AFAP1L2: variants seen among roughly 807,000 people sequenced by gnomAD.
AFAP1L2 encodes the protein actin filament-associated protein 1-like 2.
A neutral mutation model predicts 99.3 loss-of-function variants in AFAP1L2; 46 were observed. The observed-to-expected ratio is 0.46, with a 90% CI of 0.37 to 0.59. The LOEUF is 0.59. AFAP1L2 is among the 20% of genes least tolerant of loss of function. The probability of loss-of-function intolerance (pLI) is 0.00; values close to 1 mark genes in which losing one functional copy is unlikely to be tolerated. For missense variants in AFAP1L2, 959 were observed against 1,034.9 expected (o/e 0.93, Z 1.01); for synonymous variants, 397 against 419.1 (o/e 0.95, Z 0.64).
chr10:114,291,433 G>C, downstream of AFAP1L2: 1 of 631,754 alleles, frequency 1.6e-6, no homozygotes, highest in Non-Finnish European at 2.6e-6. Flanking sequence ...ATGCTGCTTA[G>C]AGACAAGAAA....
chr10:114,315,569 G>A lies in AFAP1L2; in HGVS notation c.603C>T (p.Asn201=). The change falls in exon 6 of 19, where the codon AAC becomes AAT. Residue 201 remains asparagine, a synonymous_variant. Coordinates refer to ENST00000304129, the MANE Select transcript of AFAP1L2 (RefSeq NM_001001936.3). ...WAKQLCVIKD[N]RLLCYKSSKD... ...CGTAAGGCAGACTGACCAGAAGCCTGTTGTCCTTGATGACACAGAGCTGCT... is the reference window on the plus strand; with the variant it reads ...CGTAAGGCAGACTGACCAGAAGCCTATTGTCCTTGATGACACAGAGCTGCT... 2.5e-6 allele frequency: 4 copies of A among 1,614,104 alleles called. No homozygotes were observed. Among genetic ancestry groups the A allele is most frequent in the Non-Finnish European group, 3.4e-6 (4 of 1,180,026 alleles).
At chr10:114,351,718 C>T (rs1003783628) in intron 1 of AFAP1L2, among the ~76,000 whole-genome samples, 16 of 152,222 alleles carry the variant, frequency 1.1e-4, no homozygotes, top group Non-Finnish European at 1.5e-5. Context: ...CTGGTGGCTG[C>T]TGGAAACTGC....
chr10:114,404,331 G>A, intron 1 of AFAP1L2, 109 bp downstream of exon 1: 1 of 1,275,324 alleles, frequency 7.8e-7, no homozygotes, highest in Non-Finnish European at 1.1e-6. Context: ...GGTGGGGGCA[G>A]TGGGCTCTGC....
At chr10:114,400,403 C>T (rs1371646810) in intron 1 of AFAP1L2, among the ~76,000 whole-genome samples, 1 of 152,214 alleles carries the variant, frequency 6.6e-6, no homozygotes, top group Non-Finnish European at 1.5e-5. Flanking sequence ...TCATCCAGGG[C>T]TCCCACGCAA....
downstream of AFAP1L2, chr10:114,290,406 G>A: frequency 6.5e-7 from 1 of 1,545,650 alleles, no homozygotes; most frequent in African/African-American, 1.4e-5. Flanking sequence ...GCCAGGGATG[G>A]TATTGCGAGT....
At chr10:114,350,784 A>G (rs2050351332) in intron 1 of AFAP1L2, among the ~76,000 whole-genome samples, 1 of 152,196 alleles carries the variant, frequency 6.6e-6, no homozygotes, top group Non-Finnish European at 1.5e-5. Context: ...AGAATCAGAG[A>G]GAACCCACGG....
intron 5 of AFAP1L2, among the ~76,000 whole-genome samples, chr10:114,320,882 G>A (rs570604201): frequency 7.2e-5 from 11 of 152,180 alleles, no homozygotes; most frequent in Non-Finnish European, 1.6e-4. Context: ...CAGCAGCACC[G>A]CACCCTCGCC....
At chr10:114,360,546 T>C (rs534027674) in intron 1 of AFAP1L2, among the ~76,000 whole-genome samples, 12,586 of 146,530 alleles carry the variant, frequency 0.086, 1,464 homozygotes, top group African/African-American at 0.28. Context: ...GATAGATAGA[T>C]AGATAGATAG....
chr10:114,368,149 C>T (rs1210197902), intron 1 of AFAP1L2, among the ~76,000 whole-genome samples: 3 of 152,150 alleles, frequency 2.0e-5, no homozygotes, highest in Non-Finnish European at 2.9e-5. Flanking sequence ...GAAATCCTGC[C>T]ATTGGCAACA....
intron 5 of AFAP1L2, among the ~76,000 whole-genome samples, chr10:114,316,195 C>G (rs1048846917): frequency 1.1e-4 from 16 of 152,228 alleles, no homozygotes; most frequent in South Asian, 2.1e-4. Context: ...CAGGCCTGGC[C>G]TCTGGCATTC....
intron 16 of AFAP1L2, 34 bp from the exon 17 acceptor site, chr10:114,297,447 G>A (rs780424825): frequency 1.9e-5 from 30 of 1,599,484 alleles, no homozygotes; most frequent in African/African-American, 9.4e-5. Flanking sequence ...TCAGAGAACA[G>A]CATCTCAGCC....
rs761315050 is a variant in AFAP1L2 at position 114,302,364 on chromosome 10, C to A, written c.1405G>T (p.Val469Leu). ...AAGAGAGAGTTTTTGGCCGCACTCA[C>A]AATACAGGAGACCCTATCGGCATCC... ...YVDADRVSCI[V>L]SAAKNSLLLM... is the part of the protein sequence containing the mutation. The change falls in exon 12 of 19, where the codon GTG (valine) becomes TTG (leucine). Residue 469 changes from valine to leucine, a missense_variant. This residue lies in a region of AFAP1L2 where 576 missense variants were observed against 562.1 expected (regional missense o/e 1.02). Transcript: ENST00000304129. 5.6e-6 allele frequency: 9 copies of A among 1,614,156 alleles called. No individual in the cohort carries two copies. The highest frequency in any genetic ancestry group is 6.8e-6 in the Non-Finnish European group (8 of 1,180,034).
At position 114,327,299 on chromosome 10, in the gene AFAP1L2, C is replaced by T. The variant is rs774112525; in HGVS notation, c.316-4038G>A. On this transcript the variant is annotated intron_variant, in intron 4 of 18. Transcript: ENST00000304129. ...CCTGCCTCAGCCTCCCGAGTAGCTG[C>T]GTACCACCACGCTTGGCTAATTTTT... 3.3e-4 allele frequency among the ~76,000 whole-genome samples: 49 copies of T among 150,118 alleles called. No homozygotes were observed. The Middle Eastern group carries it at 0.024, about 73-fold the overall frequency.
At chr10:114,346,179 C>A (rs536811345) in intron 1 of AFAP1L2, among the ~76,000 whole-genome samples, 8 of 152,274 alleles carry the variant, frequency 5.3e-5, no homozygotes, top group African/African-American at 1.9e-4. Flanking sequence ...GAAGGATGTT[C>A]CTTCCCTTCC....
intron 5 of AFAP1L2, chr10:114,319,522 C>A: frequency 7.9e-7 from 1 of 1,272,876 alleles, no homozygotes; most frequent in Non-Finnish European, 1.0e-6. Flanking sequence ...AGGCAGCAGG[C>A]AAGAATCACT....
intron 4 of AFAP1L2, chr10:114,325,990 A>G: frequency 3.9e-6 from 5 of 1,288,132 alleles, no homozygotes; most frequent in Non-Finnish European, 5.1e-6. Flanking sequence ...GGTGGGTCCC[A>G]TCTGGAGAAA....
intron 10 of AFAP1L2, among the ~76,000 whole-genome samples, chr10:114,306,234 GGTGC>G: frequency 7.7e-6 from 1 of 129,272 alleles, no homozygotes; most frequent in Admixed American, 7.8e-5. Flanking sequence ...TGCAGGAGGG[GGTGC>G]ACGTACAGGA....
intron 1 of AFAP1L2, among the ~76,000 whole-genome samples, chr10:114,356,653 A>G (rs1241529321): frequency 6.6e-6 from 1 of 152,266 alleles, no homozygotes; most frequent in Non-Finnish European, 1.5e-5. Flanking sequence ...GATTAAAACA[A>G]AACAAAACAA....
chr10:114,327,173 A>ATATATAT (rs1491191152), intron 4 of AFAP1L2, among the ~76,000 whole-genome samples: 7 of 18,698 alleles, frequency 3.7e-4, no homozygotes, highest in African/African-American at 8.0e-4. Flanking sequence ...ATATATATAT[A>ATATATAT]TTTTTTTTTT....
Sources: gnomAD v4.1 joint callset for allele counts (sites outside exome capture counted in the v4.1 genomes callset) on GRCh38, gnomAD v4.1.1 for gene constraint, gnomAD v4.1.1 regional missense constraint, MANE v1.5 for transcripts, NCBI Gene and HGNC (gene_info 2026-07-23, HGNC 2026-07-21) for gene names.